LEPROT: variants seen among roughly 807,000 people sequenced by gnomAD.
LEPROT encodes the protein leptin receptor gene-related protein.
In LEPROT, 3 loss-of-function variants were observed where a neutral mutation model predicts 15.4. That is an observed-to-expected ratio of 0.19 (90% CI 0.09 to 0.50). LEPROT has a LOEUF of 0.50. Ranked by LOEUF, LEPROT falls within the 20% of genes least tolerant of loss-of-function variation. The pLI is 0.97. For missense variants in LEPROT, 137 were observed against 162.2 expected, an observed-to-expected ratio of 0.84 and a Z score of 0.84; for synonymous variants, 59 against 57.5, an observed-to-expected ratio of 1.03 and a Z score of -0.12.
chr1:65,426,462 A>T (rs1646372346), intron 2 of LEPROT, among the ~76,000 whole-genome samples: 1 of 152,140 alleles, frequency 6.6e-6, no homozygotes, highest in Admixed American at 6.5e-5. Context: ...TTAAAATGTC[A>T]TTCTTGCCAT....
Position 65,433,174 on chromosome 1 carries a change from C to A in LEPROT, c.*1255C>A. Reference sequence around the variant, plus strand: ...CCCAGCTCCTTCCCTCTGCCCCCCACCCCTACTCCTCAACAGTTCTGGTTT... The same window carrying A: ...CCCAGCTCCTTCCCTCTGCCCCCCAACCCTACTCCTCAACAGTTCTGGTTT... On this transcript the variant is annotated 3_prime_UTR_variant, in exon 4 of 4. Transcript: ENST00000371065. 1 of 985,440 alleles carries A rather than the reference C, an allele frequency of 1.0e-6. No individual in the cohort carries two copies. Among genetic ancestry groups the A allele is most frequent in the Non-Finnish European group, 1.2e-6 (1 of 829,960 alleles). The allele number at this position is 985,440 out of a possible 1,614,324, so 61.0% of individuals were successfully genotyped here. A position where few individuals can be genotyped will look rare whatever the true frequency, so the allele number is the denominator to read the frequency against.
At chr1:65,421,537 G>T (rs1646251050) in intron 1 of LEPROT, 2 of 1,506,184 alleles carry the variant, frequency 1.3e-6, no homozygotes, top group Non-Finnish European at 1.8e-6. Context: ...TATCATCCTT[G>T]AAATTTGCAC....
In LEPROT at chr1:65,435,806, A is replaced by G; in HGVS notation, c.*3887A>G. 1 of 981,350 alleles carries G rather than the reference A, an allele frequency of 1.0e-6. No individual in the cohort carries two copies. Among genetic ancestry groups the G allele is most frequent in the Non-Finnish European group, 1.2e-6 (1 of 826,224 alleles). The allele number at this position is 981,350 out of a possible 1,614,324, so 60.8% of individuals were successfully genotyped here. ...ATTATGTCTGTAGTAGATAAATATTAGTTGTGCATTTTAATTTAATTCTCC... is the reference window on the plus strand; with the variant it reads ...ATTATGTCTGTAGTAGATAAATATTGGTTGTGCATTTTAATTTAATTCTCC... On this transcript the variant is annotated 3_prime_UTR_variant, in exon 4 of 4. Coordinates refer to ENST00000371065, the MANE Select transcript of LEPROT (RefSeq NM_017526.5).
In LEPROT at chr1:65,430,029, T is replaced by C; in HGVS notation, c.260T>C (p.Ile87Thr). 2 of 1,560,914 alleles carry C rather than the reference T, an allele frequency of 1.3e-6. No individual in the cohort carries two copies. Among genetic ancestry groups the C allele is most frequent in the South Asian group, 2.3e-5 (2 of 85,976 alleles). Residue 87 changes from isoleucine (I) to threonine (T), a missense_variant, in exon 3 of 4, where the codon ATT becomes ACT. Transcript: ENST00000371065. ...IVVSAFGFPV[I>T]LARVAVIKWG... ...GTTTCTGCCTTTGGATTTCCTGTTA[T>C]TCTTGCTCGTGTGGCTGTGGTAAGT...
rs1189432468 is a variant in LEPROT, at chr1:65,434,376, C to T, written c.*2457C>T. Reference sequence around the variant, plus strand: ...AGATTCAGAGCATAGTGACTATAGTCGAAAACTGAGATTGCACTTCCAAAA... The same window carrying T: ...AGATTCAGAGCATAGTGACTATAGTTGAAAACTGAGATTGCACTTCCAAAA... On this transcript the variant is annotated 3_prime_UTR_variant, in exon 4 of 4. Transcript: ENST00000371065. The T allele has an allele frequency of 5.1e-6, 5 of 985,078 alleles. No homozygotes were observed. The highest frequency in any genetic ancestry group is 1.2e-4 in the Admixed American group (2 of 16,238). 61.0% of individuals were successfully genotyped at this position (985,078 alleles called of 1,614,324 possible).
At chr1:65,426,446 G>T (rs548029126) in intron 2 of LEPROT, among the ~76,000 whole-genome samples, 1 of 152,032 alleles carries the variant, frequency 6.6e-6, no homozygotes, top group Non-Finnish European at 1.5e-5. Context: ...GGAGGAGGGG[G>T]TTATGTTAAA....
In LEPROT at chr1:65,435,749, C is replaced by A; in HGVS notation, c.*3830C>A. 1.0e-6 allele frequency: 1 copy of A among 984,704 alleles called. No homozygotes were observed. The highest frequency in any genetic ancestry group is 1.7e-5 in the African/African-American group (1 of 57,322). 61.0% of individuals were successfully genotyped at this position (984,704 alleles called of 1,614,324 possible). ...TATTTATGAGGATGCTAGCATTTTC[C>A]AAGCATAGTAATTAGTTCACAACTG... On this transcript the variant is annotated 3_prime_UTR_variant, in exon 4 of 4. Transcript: ENST00000371065.
Position 65,434,170 on chromosome 1 carries a change from C to A in LEPROT, c.*2251C>A. The A allele has an allele frequency of 2.0e-6, 2 of 984,004 alleles. No individual in the cohort carries two copies. The highest frequency in any genetic ancestry group is 2.4e-6 in the Non-Finnish European group (2 of 828,722). 61.0% of individuals were successfully genotyped at this position (984,004 alleles called of 1,614,324 possible). On this transcript the variant is annotated 3_prime_UTR_variant, in exon 4 of 4. Coordinates refer to ENST00000371065, the MANE Select transcript of LEPROT (RefSeq NM_017526.5). Reference sequence around the variant, plus strand: ...TTGAAGTGATAGATTATTAGATTTGCTCTATGTCTGAAAAGAGAGCTATTC... The same window carrying A: ...TTGAAGTGATAGATTATTAGATTTGATCTATGTCTGAAAAGAGAGCTATTC...
intron 2 of LEPROT, among the ~76,000 whole-genome samples, chr1:65,426,967 T>C (rs1049523420): frequency 4.0e-5 from 6 of 151,238 alleles, no homozygotes; most frequent in Admixed American, 6.6e-5. Flanking sequence ...CACTGCACTC[T>C]AGCCTGGCGA....
Position 65,425,329 on chromosome 1 carries a change from G to T in LEPROT, c.43G>T (p.Ala15Ser). 6.2e-7 allele frequency: 1 copy of T among 1,608,660 alleles called. No homozygotes were observed. Residue 15 changes from alanine to serine, a missense_variant, in exon 2 of 4, where the codon GCT (alanine) becomes TCT (serine). Ala to Ser is a moderately conservative substitution (Grantham distance 99). Transcript: ENST00000371065. ...TCTCGTGGCATTATCCTTCAGTGGG[G>T]CTATTGGACTGACTTTTCTTATGCT... ...KALVALSFSG[A>S]IGLTFLMLGC...
rs1289523137 is a variant in LEPROT at position 65,434,541 on chromosome 1, A to G, written c.*2622A>G. 3 of 985,142 alleles carry G rather than the reference A, an allele frequency of 3.0e-6. No individual in the cohort carries two copies. The African/African-American group carries it at 5.2e-5, about 17-fold the overall frequency. The allele number at this position is 985,142 out of a possible 1,614,324, so 61.0% of individuals were successfully genotyped here. ...GAGTTCCCAGGCCAAGCCTCCCTCA[A>G]CAGGTTCAACTCTAATATACCTAAC... is the stretch of plus-strand genomic sequence containing the variant. On this transcript the variant is annotated 3_prime_UTR_variant, in exon 4 of 4. Transcript: ENST00000371065.
rs1325080962 is a variant in LEPROT at position 65,435,544 on chromosome 1, A to G, written c.*3625A>G. 4.5e-6 allele frequency: 2 copies of G among 445,292 alleles called. No homozygotes were observed. Among genetic ancestry groups the G allele is most frequent in the African/African-American group, 2.1e-5 (1 of 46,530 alleles). 27.6% of individuals were successfully genotyped at this position (445,292 alleles called of 1,614,324 possible). ...CACCACGCCTGGCTAATTTTTTTGT[A>G]TTTTTAGTAAAGACGGGTTTCATCG... On this transcript the variant is annotated 3_prime_UTR_variant, in exon 4 of 4. Transcript: ENST00000371065.
chr1:65,433,372 T>C lies in LEPROT; in HGVS notation c.*1453T>C, dbSNP rs1304436393. ...TTAAATGAATCATTGGGTATACCTGTCATGTTGGATCCTGTAATCACAGTT... is the reference window on the plus strand; with the variant it reads ...TTAAATGAATCATTGGGTATACCTGCCATGTTGGATCCTGTAATCACAGTT... On this transcript the variant is annotated 3_prime_UTR_variant, in exon 4 of 4. Transcript: ENST00000371065. 1 of 985,450 alleles carries C rather than the reference T, an allele frequency of 1.0e-6. No individual in the cohort carries two copies. The allele number at this position is 985,450 out of a possible 1,614,324, so 61.0% of individuals were successfully genotyped here.
chr1:65,434,550 A>G lies in LEPROT; in HGVS notation c.*2631A>G. Reference sequence around the variant, plus strand: ...GGCCAAGCCTCCCTCAACAGGTTCAACTCTAATATACCTAACCTGTGATAC... The same window carrying G: ...GGCCAAGCCTCCCTCAACAGGTTCAGCTCTAATATACCTAACCTGTGATAC... On this transcript the variant is annotated 3_prime_UTR_variant, in exon 4 of 4. Coordinates refer to ENST00000371065, the MANE Select transcript of LEPROT (RefSeq NM_017526.5). 1 of 985,110 alleles carries G rather than the reference A, an allele frequency of 1.0e-6. No individual in the cohort carries two copies. Among genetic ancestry groups the G allele is most frequent in the Non-Finnish European group, 1.2e-6 (1 of 829,728 alleles). The allele number at this position is 985,110 out of a possible 1,614,324, so 61.0% of individuals were successfully genotyped here.
rs775089816 is a variant in LEPROT, at chr1:65,432,033, T to C, written c.*114T>C. On this transcript the variant is annotated 3_prime_UTR_variant, in exon 4 of 4. Coordinates refer to ENST00000371065, the MANE Select transcript of LEPROT (RefSeq NM_017526.5). ...AATATGCTGGGTTTTTTAATACCTT[T>C]ATATATCATGTTCACTTTAAGAAAG... The C allele has an allele frequency of 7.0e-7, 1 of 1,434,006 alleles. No individual in the cohort carries two copies. Among genetic ancestry groups the C allele is most frequent in the Non-Finnish European group, 9.1e-7 (1 of 1,095,710 alleles). The allele number at this position is 1,434,006 out of a possible 1,614,324, so 88.8% of individuals were successfully genotyped here.
Position 65,432,821 on chromosome 1 carries a change from T to C in LEPROT, c.*902T>C. 1.7e-6 allele frequency: 1 copy of C among 600,888 alleles called. No homozygotes were observed. Among genetic ancestry groups the C allele is most frequent in the South Asian group, 7.4e-5 (1 of 13,550 alleles). 37.2% of individuals were successfully genotyped at this position (600,888 alleles called of 1,614,324 possible). Reference sequence around the variant, plus strand: ...AGAGAGTAAATTTCTAATGTTCTCATAAAAAAGTTAAATATTTGAGATCAT... The same window carrying C: ...AGAGAGTAAATTTCTAATGTTCTCACAAAAAAGTTAAATATTTGAGATCAT... On this transcript the variant is annotated 3_prime_UTR_variant, in exon 4 of 4. Transcript: ENST00000371065.
At chr1:65,425,687 C>T (rs767656635) in intron 2 of LEPROT, among the ~76,000 whole-genome samples, 17 of 152,180 alleles carry the variant, frequency 1.1e-4, no homozygotes, top group South Asian at 4.1e-4. Context: ...GACAGGCAAA[C>T]GGTCTAGTCA....
In LEPROT at chr1:65,433,423, A is replaced by T. The variant is rs1270870546; in HGVS notation, c.*1504A>T. 2 of 985,250 alleles carry T rather than the reference A, an allele frequency of 2.0e-6. No homozygotes were observed. Among genetic ancestry groups the T allele is most frequent in the Non-Finnish European group, 2.4e-6 (2 of 829,874 alleles). 61.0% of individuals were successfully genotyped at this position (985,250 alleles called of 1,614,324 possible). On this transcript the variant is annotated 3_prime_UTR_variant, in exon 4 of 4. Transcript: ENST00000371065. ...TTCCCTGCTCACCTTTTTGTCTAAG[A>T]TCTATTGAGAAAGGGAAATATGGGA...
Position 65,433,904 on chromosome 1 carries a change from T to G in LEPROT, c.*1985T>G. Reference sequence around the variant, plus strand: ...TTTTAAAATGGGCAGTTTTGAGCAATAATCTGTCCTAACAGAACAGTAGCA... The same window carrying G: ...TTTTAAAATGGGCAGTTTTGAGCAAGAATCTGTCCTAACAGAACAGTAGCA... On this transcript the variant is annotated 3_prime_UTR_variant, in exon 4 of 4. Transcript: ENST00000371065. The G allele has an allele frequency of 1.2e-5, 12 of 985,192 alleles. No homozygotes were observed. The highest frequency in any genetic ancestry group is 1.4e-5 in the Non-Finnish European group (12 of 829,702). The allele number at this position is 985,192 out of a possible 1,614,324, so 61.0% of individuals were successfully genotyped here. A position where few individuals can be genotyped will look rare whatever the true frequency, so the allele number is the denominator to read the frequency against.
Sources: allele counts gnomAD v4.1 joint callset (sites outside exome capture counted in the v4.1 genomes callset), GRCh38; gene constraint gnomAD v4.1.1; transcripts MANE v1.5; gene names NCBI Gene and HGNC (gene_info 2026-07-23, HGNC 2026-07-21).